PROS1: variants seen among roughly 807,000 people sequenced by gnomAD.
PROS1 encodes vitamin K-dependent protein S.
PROS1 carries 29 observed loss-of-function variants against 75.9 expected under a neutral mutation model. That is an observed-to-expected ratio of 0.38 (90% CI 0.28 to 0.52). The LOEUF (loss-of-function observed/expected upper bound fraction) is 0.52. PROS1 is among the 20% of genes least tolerant of loss of function. PROS1 has a pLI of 0.83. For missense variants in PROS1, 680 were observed against 810.3 expected, an observed-to-expected ratio of 0.84 and a Z score of 1.95; for synonymous variants, 245 against 280.6, an observed-to-expected ratio of 0.87 and a Z score of 1.27.
At chr3:93,950,824 T>C (rs910937111) in intron 1 of PROS1, among the ~76,000 whole-genome samples, 1 of 152,156 alleles carries the variant, frequency 6.6e-6, no homozygotes, top group African/African-American at 2.4e-5. Flanking sequence ...AGAATAAAGC[T>C]GGATGGACAA....
At chr3:93,939,167 C>A (rs952083345) in intron 1 of PROS1, among the ~76,000 whole-genome samples, 3 of 152,108 alleles carry the variant, frequency 2.0e-5, no homozygotes, top group African/African-American at 7.2e-5. Flanking sequence ...TTCCAAATAG[C>A]CAGAAAATCC....
At chr3:93,887,133 T>A (rs936863332) in intron 10 of PROS1, among the ~76,000 whole-genome samples, 2 of 151,984 alleles carry the variant, frequency 1.3e-5, no homozygotes, top group Non-Finnish European at 2.9e-5. Context: ...TTAGCCAGGA[T>A]GGTCTCGATC....
chr3:93,935,608 T>C (rs1435370490), intron 1 of PROS1, among the ~76,000 whole-genome samples: 2 of 152,106 alleles, frequency 1.3e-5, no homozygotes, highest in Admixed American at 6.5e-5. Context: ...AATAAGCAAG[T>C]CTGAAACTGT....
chr3:93,937,607 T>G (rs1457908977), intron 1 of PROS1, among the ~76,000 whole-genome samples: 1 of 152,090 alleles, frequency 6.6e-6, no homozygotes, highest in Admixed American at 6.5e-5. Context: ...GACCTCGTGA[T>G]CCGCCCACCT....
chr3:93,945,472 G>C (rs549816121), intron 1 of PROS1, among the ~76,000 whole-genome samples: 114 of 152,238 alleles, frequency 7.5e-4, no homozygotes, highest in African/African-American at 2.7e-3. Context: ...TGATCAAGTG[G>C]GGTTCATCCC....
At chr3:93,911,048 G>A (rs1030716139) in intron 3 of PROS1, 1 of 294,058 alleles carries the variant, frequency 3.4e-6, no homozygotes, top group South Asian at 3.4e-5. Context: ...ACAAGATGTT[G>A]CCCTCAAATC....
chr3:93,880,464 C>T (rs1194086555), intron 12 of PROS1, among the ~76,000 whole-genome samples: 1 of 152,130 alleles, frequency 6.6e-6, no homozygotes, highest in Admixed American at 6.5e-5. Flanking sequence ...TGAGATCACG[C>T]CACTGCACTC....
rs1434178675 is a variant in PROS1, at chr3:93,895,441, C to A, written c.965+1135G>T. On this transcript the variant is annotated intron_variant, in intron 9 of 14. Coordinates refer to ENST00000394236, the MANE Select transcript of PROS1 (RefSeq NM_000313.4). ...GCAGAAATAAAGTGTGGAAGGAGCACTGTTACTTAAGTATTTATGTAAGTT... is the reference window on the plus strand; with the variant it reads ...GCAGAAATAAAGTGTGGAAGGAGCAATGTTACTTAAGTATTTATGTAAGTT... Among the ~76,000 whole-genome samples, 4 of 152,096 alleles carry A rather than the reference C, an allele frequency of 2.6e-5. No individual in the cohort carries two copies. The South Asian group carries it at 8.3e-4, about 31-fold the overall frequency.
At chr3:93,927,897 A>G (rs1559941408) in intron 1 of PROS1, among the ~76,000 whole-genome samples, 1 of 139,410 alleles carries the variant, frequency 7.2e-6, no homozygotes, top group African/African-American at 2.6e-5. Context: ...ATATATATAT[A>G]TATGTGTGTG....
chr3:93,893,185 C>A (rs1304804966), intron 9 of PROS1, 63 bp from the exon 10 acceptor site: 1 of 1,404,702 alleles, frequency 7.1e-7, no homozygotes, highest in Admixed American at 1.9e-5. Flanking sequence ...ATGCATTATT[C>A]TTTTTTTCTT....
chr3:93,971,960 T>C (rs1347101488), intron 1 of PROS1, among the ~76,000 whole-genome samples: 1 of 152,200 alleles, frequency 6.6e-6, no homozygotes, highest in Non-Finnish European at 1.5e-5. Flanking sequence ...CCAACTATTC[T>C]TTATGTGATA....
intron 2 of PROS1, among the ~76,000 whole-genome samples, chr3:93,925,679 C>G (rs1315562131): frequency 6.6e-6 from 1 of 151,776 alleles, no homozygotes. Flanking sequence ...CCAAAATTAG[C>G]CAGGTGTGGG....
chr3:93,908,422 T>A (rs1249145617), intron 4 of PROS1, among the ~76,000 whole-genome samples: 1 of 151,810 alleles, frequency 6.6e-6, no homozygotes, highest in Non-Finnish European at 1.5e-5. Context: ...AGAAAACAAA[T>A]ATTGGAGTTT....
intron 1 of PROS1, among the ~76,000 whole-genome samples, chr3:93,951,240 G>T (rs1576212574): frequency 6.6e-6 from 1 of 152,254 alleles, no homozygotes; most frequent in Non-Finnish European, 1.5e-5. Flanking sequence ...AGGAAATACA[G>T]AGAATGCCAG....
chr3:93,886,357 C>G lies in PROS1; in HGVS notation c.1302G>C (p.Val434=). The change falls in exon 11 of 15, where the codon GTG becomes GTC. Residue 434 remains valine (V), a synonymous_variant. Transcript: ENST00000394236. ...KVYFAGFPRK[V]ESELIKPINP... ...TTACCGGTTTAATGAGTTCACTTTC[C>G]ACTTTCCGAGGGAATCCTGCAAAGT... 6.2e-7 allele frequency: 1 copy of G among 1,613,698 alleles called. No homozygotes were observed. The highest frequency in any genetic ancestry group is 8.5e-7 in the Non-Finnish European group (1 of 1,179,752).
At chr3:93,947,499 C>T (rs1365472826) in intron 1 of PROS1, among the ~76,000 whole-genome samples, 3 of 152,096 alleles carry the variant, frequency 2.0e-5, no homozygotes, top group African/African-American at 4.8e-5. Flanking sequence ...AAGAGCAGGA[C>T]TTCCAGTCAC....
At chr3:93,946,854 A>C (rs964627376) in intron 1 of PROS1, among the ~76,000 whole-genome samples, 17 of 151,654 alleles carry the variant, frequency 1.1e-4, no homozygotes, top group African/African-American at 3.9e-4. Flanking sequence ...AAAAAAAAAA[A>C]AAAACTATCA....
intron 9 of PROS1, among the ~76,000 whole-genome samples, chr3:93,893,841 G>A (rs1205589322): frequency 6.6e-6 from 1 of 152,194 alleles, no homozygotes; most frequent in Non-Finnish European, 1.5e-5. Flanking sequence ...GTCTACCCAT[G>A]TGTTTGGGGG....
intron 1 of PROS1, among the ~76,000 whole-genome samples, chr3:93,969,874 T>C (rs773863526): frequency 2.0e-5 from 3 of 152,214 alleles, no homozygotes; most frequent in Non-Finnish European, 4.4e-5. Flanking sequence ...AAGGTTTAAG[T>C]ATGTATATAG....
Sources: gnomAD v4.1 joint callset for allele counts (sites outside exome capture counted in the v4.1 genomes callset) on GRCh38, gnomAD v4.1.1 for gene constraint, MANE v1.5 for transcripts, NCBI Gene and HGNC (gene_info 2026-07-23, HGNC 2026-07-21) for gene names.